Variants in LYSMD4 observed in about 807,000 individuals in gnomAD.
LYSMD4 encodes the protein LysM domain containing 4, also known as lysM and putative peptidoglycan-binding domain-containing protein 4.
LYSMD4 carries 9 observed loss-of-function variants against 6.1 expected under a neutral mutation model. The ratio of observed to expected loss-of-function variants is 1.47; its 90% CI spans 0.88 to 2.56. The LOEUF (loss-of-function observed/expected upper bound fraction) is 2.56. Among genes scored for constraint, LYSMD4 ranks in the 30% most tolerant of loss-of-function variants. LYSMD4 has a pLI of 0.00. For synonymous variants in LYSMD4, 143 were observed against 148.5 expected (o/e 0.96, Z 0.27); for missense variants, 384 against 373.5 (o/e 1.03, Z -0.23).
In LYSMD4 at chr15:99,729,655, A is replaced by G. The variant is rs1417862696; in HGVS notation, c.359T>C (p.Val120Ala). 7 of 1,613,960 alleles carry G rather than the reference A, an allele frequency of 4.3e-6. No homozygotes were observed. The highest frequency in any genetic ancestry group is 5.9e-6 in the Non-Finnish European group (7 of 1,179,922). The change falls in exon 3 of 3, where the codon GTG becomes GCG. Residue 120 changes from valine (V) to alanine (A), a missense_variant. Val to Ala is a moderately conservative substitution (Grantham distance 64). Coordinates refer to ENST00000684762, the MANE Select transcript of LYSMD4 (RefSeq NM_001284417.2). ...LYALKSVKIP[V>A]RNHGILMETH... is the part of the protein sequence containing the mutation. Reference sequence around the variant, plus strand: ...CTCCATCAGGATCCCATGGTTTCTCACTGGAATCTTAACAGATTTCAAAGC... The same window carrying G: ...CTCCATCAGGATCCCATGGTTTCTCGCTGGAATCTTAACAGATTTCAAAGC...
At chr15:99,718,909 G>GCACA (rs57143734), upstream of LYSMD4, among the ~76,000 whole-genome samples, 517 of 150,706 alleles carry the variant, frequency 3.4e-3, 2 homozygotes, top group African/African-American at 0.011. Flanking sequence ...GTAGTTATGC[G>GCACA]CACACACACA....
At chr15:99,723,324 TCA>T (rs2059252025), downstream of LYSMD4, among the ~76,000 whole-genome samples, 1 of 152,192 alleles carries the variant, frequency 6.6e-6, no homozygotes, top group Non-Finnish European at 1.5e-5. Context: ...CCCCTCAGAA[TCA>T]CACAGCCAGT....
chr15:99,719,771 G>GT (rs879717981), upstream of LYSMD4, among the ~76,000 whole-genome samples: 8 of 152,166 alleles, frequency 5.3e-5, no homozygotes, highest in Non-Finnish European at 1.0e-4. Flanking sequence ...GTTTTGCAAG[G>GT]TATCGCCAAA....
At chr15:99,717,865 A>G (rs2059201095), upstream of LYSMD4, 2 of 152,202 alleles carry the variant, frequency 1.3e-5, no homozygotes, top group Non-Finnish European at 2.9e-5. Context: ...GTTTCACTAC[A>G]CAGTCCCCCC....
In LYSMD4 at chr15:99,731,943, C is replaced by T; in HGVS notation, c.57G>A (p.Gly19=). The part of the protein sequence containing the change: ...KTFQGPAVVC[G]TPTSHVYMFK... ...ACATGTATACGTGGCTGGTCGGAGT[C>T]CCACACACAACAGCTGGGCCTTGGA... Residue 19 remains glycine, a synonymous_variant, in exon 2 of 3, where the codon GGG becomes GGA. Transcript: ENST00000684762. 1 of 1,611,394 alleles carries T rather than the reference C, an allele frequency of 6.2e-7. No individual in the cohort carries two copies. The highest frequency in any genetic ancestry group is 8.5e-7 in the Non-Finnish European group (1 of 1,179,038).
At chr15:99,732,735 C>T (rs1396278823) in intron 1 of LYSMD4, among the ~76,000 whole-genome samples, 1 of 152,262 alleles carries the variant, frequency 6.6e-6, no homozygotes, top group African/African-American at 2.4e-5. Context: ...AACACGCGGG[C>T]TGACAACTTC....
chr15:99,731,414 T>C (rs1449748497), intron 2 of LYSMD4: 2 of 1,611,416 alleles, frequency 1.2e-6, no homozygotes. Flanking sequence ...AGGTCTAAAA[T>C]AAAATGTGCT....
chr15:99,724,039 T>C (rs2059258326), downstream of LYSMD4, among the ~76,000 whole-genome samples: 1 of 150,938 alleles, frequency 6.6e-6, no homozygotes, highest in South Asian at 2.1e-4. Flanking sequence ...CCTGTCTACA[T>C]AGTCCCCCGT....
Position 99,727,598 on chromosome 15 carries a change from T to C in LYSMD4, c.*1525A>G, listed in dbSNP as rs1232469680. The C allele has an allele frequency of 6.6e-6, 1 of 152,150 alleles. No individual in the cohort carries two copies. The highest frequency in any genetic ancestry group is 2.4e-5 in the African/African-American group (1 of 41,434). 9.4% of individuals were successfully genotyped at this position (152,150 alleles called of 1,614,324 possible). On this transcript the variant is annotated 3_prime_UTR_variant, in exon 3 of 3. Transcript: ENST00000684762. ...TTTGGCTGGGAAAGCACTTGCATGA[T>C]CGAAACATTTCCTATTGCAGAGATT... is the stretch of plus-strand genomic sequence containing the variant.
At position 99,729,743 on chromosome 15, in the gene LYSMD4, C is replaced by G. The variant is rs183670584; in HGVS notation, c.283-12G>C. On this transcript the variant is annotated splice_polypyrimidine_tract_variant and intron_variant, in intron 2 of 2. Coordinates refer to ENST00000684762, the MANE Select transcript of LYSMD4 (RefSeq NM_001284417.2). Reference sequence around the variant, plus strand: ...TTGATATCTGCAACCTAGGAAGGCACGAAGATAAACATCATAAAATATGCG... The same window carrying G: ...TTGATATCTGCAACCTAGGAAGGCAGGAAGATAAACATCATAAAATATGCG... 6.3e-7 allele frequency: 1 copy of G among 1,588,910 alleles called. No homozygotes were observed. Among genetic ancestry groups the G allele is most frequent in the Admixed American group, 1.7e-5 (1 of 57,258 alleles).
chr15:99,725,056 G>C (rs758068930), downstream of LYSMD4, among the ~76,000 whole-genome samples: 15 of 152,176 alleles, frequency 9.9e-5, no homozygotes, highest in Non-Finnish European at 1.5e-4. Context: ...GCCATAACCT[G>C]TCTCTGGAAA....
chr15:99,731,714 T>C lies in LYSMD4; in HGVS notation c.282+4A>G. The C allele has an allele frequency of 6.3e-7, 1 of 1,584,010 alleles. No homozygotes were observed. Among genetic ancestry groups the C allele is most frequent in the Admixed American group, 1.7e-5 (1 of 58,392 alleles). On this transcript the variant is annotated splice_donor_region_variant and intron_variant, in intron 2 of 2. Coordinates refer to ENST00000684762, the MANE Select transcript of LYSMD4 (RefSeq NM_001284417.2). Reference sequence around the variant, plus strand: ...CGGGGCAGGGCCCCTGAGGGGTGTCTTACTTTGCAGCCATACTGCAGCGCC... The same window carrying C: ...CGGGGCAGGGCCCCTGAGGGGTGTCCTACTTTGCAGCCATACTGCAGCGCC...
rs6598264 is a variant in LYSMD4 at position 99,729,591 on chromosome 15, G to A, written c.423C>T (p.Ser141=). The part of the protein sequence containing the change: ...KELKPLLSPS[S]ETTVTVELPE... ...GCAGTTCCACGGTCACTGTGGTCTC[G>A]GAAGACGGGCTCAGAAGGGGTTTCA... Residue 141 remains serine (S), a synonymous_variant, in exon 3 of 3, where the codon TCC becomes TCT. Coordinates refer to ENST00000684762, the MANE Select transcript of LYSMD4 (RefSeq NM_001284417.2). 6.2e-3 allele frequency: 9,960 copies of A among 1,614,090 alleles called. 468 individuals carry two copies. The African/African-American group carries it at 0.11, about 18-fold the overall frequency.
chr15:99,718,827 A>G (rs2059214563), upstream of LYSMD4, among the ~76,000 whole-genome samples: 1 of 152,126 alleles, frequency 6.6e-6, no homozygotes, highest in Non-Finnish European at 1.5e-5. Flanking sequence ...GATCTGGGCA[A>G]TAGATGTGCT....
At chr15:99,722,569 A>G (rs1281230380), downstream of LYSMD4, among the ~76,000 whole-genome samples, 1 of 152,250 alleles carries the variant, frequency 6.6e-6, no homozygotes, top group East Asian at 1.9e-4. Flanking sequence ...AGATGGAGGG[A>G]GAGATCAACA....
rs1484437844 is a variant in LYSMD4, at chr15:99,729,316, G to A, written c.698C>T (p.Pro233Leu). Residue 233 changes from proline (P) to leucine (L), a missense_variant, in exon 3 of 3, where the codon CCT (proline) becomes CTT (leucine). Physicochemically the swap from Pro to Leu is moderately conservative, Grantham distance 98. Coordinates refer to ENST00000684762, the MANE Select transcript of LYSMD4 (RefSeq NM_001284417.2). ...TTTAAAGTAGACCAAATAAAAGACA[G>A]GCAAGACAATACCAATCAGCAGCAT... is the stretch of plus-strand genomic sequence containing the variant. Reference protein sequence around the residue: ...FIMLLIGIVLPVFYLVYFKIQ... With the variant: ...FIMLLIGIVLLVFYLVYFKIQ... 6.2e-7 allele frequency: 1 copy of A among 1,614,202 alleles called. No individual in the cohort carries two copies. Among genetic ancestry groups the A allele is most frequent in the Non-Finnish European group, 8.5e-7 (1 of 1,180,036 alleles).
chr15:99,731,034 G>A lies in LYSMD4; in HGVS notation c.282+684C>T, dbSNP rs73466513. 9.2e-4 allele frequency: 696 copies of A among 754,336 alleles called. 5 individuals are homozygous for A. The African/African-American group carries it at 0.011, about 12-fold the overall frequency. 46.7% of individuals were successfully genotyped at this position (754,336 alleles called of 1,614,324 possible). ...GACCTTGTTAGATAAGACACTTGTA[G>A]GAGAAAGAGATTTCTTAAATTAAGT... On this transcript the variant is annotated intron_variant, in intron 2 of 2. Transcript: ENST00000684762.
At chr15:99,717,000 G>C (rs2059191813) in exon 1 of LYSMD4, 1 of 257,282 alleles carries the variant, frequency 3.9e-6, no homozygotes, top group East Asian at 9.6e-5. Context: ...AGAGTGTTAG[G>C]TGTACGTCCC....
Position 99,729,641 on chromosome 15 carries a change from T to A in LYSMD4, c.373A>T (p.Ile125Phe), listed in dbSNP as rs916710790. 1 of 1,614,042 alleles carries A rather than the reference T, an allele frequency of 6.2e-7. No homozygotes were observed. The highest frequency in any genetic ancestry group is 1.3e-5 in the African/African-American group (1 of 74,934). The change falls in exon 3 of 3, where the codon ATC becomes TTC. Residue 125 changes from isoleucine to phenylalanine, a missense_variant. Transcript: ENST00000684762. ...AGTTCTTTGTGGGTCTCCATCAGGA[T>A]CCCATGGTTTCTCACTGGAATCTTA... ...SVKIPVRNHG[I>F]LMETHKELKP...
Sources: allele counts gnomAD v4.1 joint callset (sites outside exome capture counted in the v4.1 genomes callset), GRCh38; gene constraint gnomAD v4.1.1; transcripts MANE v1.5; gene names NCBI Gene and HGNC (gene_info 2026-07-23, HGNC 2026-07-21).